The following FBN3 variants were observed in gnomAD, a reference collection of about 807,000 sequenced individuals.
FBN3 encodes fibrillin 3.
A neutral mutation model predicts 330.1 loss-of-function variants in FBN3; 234 were observed. The observed-to-expected ratio is 0.71, with a 90% CI of 0.64 to 0.79. FBN3 has a LOEUF of 0.79. Among genes scored for constraint, FBN3 ranks in the 30% least tolerant of loss-of-function variants. The probability of loss-of-function intolerance (pLI) is 0.00; values close to 1 mark genes in which losing one functional copy is unlikely to be tolerated. For missense variants in FBN3, 3,606 were observed against 3,886.9 expected (o/e 0.93, Z 1.92); for synonymous variants, 1,458 against 1,517.3 (o/e 0.96, Z 0.91).
intron 26 of FBN3, among the ~76,000 whole-genome samples, chr19:8,117,889 G>T (rs1166394707): frequency 6.6e-6 from 1 of 151,566 alleles, no homozygotes; most frequent in Non-Finnish European, 1.5e-5. Context: ...GGCACACTCA[G>T]ATACACACTC....
intron 56 of FBN3, among the ~76,000 whole-genome samples, chr19:8,084,787 C>T (rs949036063): frequency 6.6e-6 from 1 of 151,698 alleles, no homozygotes; most frequent in Non-Finnish European, 1.5e-5. Context: ...GAGGTTTCAC[C>T]ATGTTGACCA....
chr19:8,130,072 AT>A (rs907958887), intron 16 of FBN3, among the ~76,000 whole-genome samples: 3 of 151,716 alleles, frequency 2.0e-5, no homozygotes, highest in African/African-American at 7.3e-5. Flanking sequence ...TAATTTTTCT[AT>A]TTTTAGTAGA....
At position 8,081,440 on chromosome 19, in the gene FBN3, G is replaced by C; in HGVS notation, c.7254C>G (p.Phe2418Leu). Residue 2418 changes from phenylalanine (F) to leucine (L), a missense_variant, in exon 58 of 64, where the codon TTC (phenylalanine) becomes TTG (leucine). Physicochemically the swap from Phe to Leu is conservative, Grantham distance 22 (BLOSUM62 0). Coordinates refer to ENST00000600128, the MANE Select transcript of FBN3 (RefSeq NM_032447.5). ...ECSQVPKPCT[F>L]LCKNTKGSFL... is the part of the protein sequence containing the mutation. ...AACTGCCCTTCGTGTTTTTGCAGAGGAAGGTACATGGCTTGGGGACCTGGC... is the reference window on the plus strand; with the variant it reads ...AACTGCCCTTCGTGTTTTTGCAGAGCAAGGTACATGGCTTGGGGACCTGGC... 6.2e-7 allele frequency: 1 copy of C among 1,612,486 alleles called. No individual in the cohort carries two copies. Among genetic ancestry groups the C allele is most frequent in the Non-Finnish European group, 8.5e-7 (1 of 1,179,250 alleles).
At position 8,132,820 on chromosome 19, in the gene FBN3, C is replaced by T. The variant is rs369313604; in HGVS notation, c.1714+164G>A. On this transcript the variant is annotated intron_variant, in intron 14 of 63. Coordinates refer to ENST00000600128, the MANE Select transcript of FBN3 (RefSeq NM_032447.5). The stretch of plus-strand genomic sequence containing the variant: ...CTTTTCTTCCTTTTCTTCTTCTTCG[C>T]TTCTCCCCTTTTCCCTCCTCCTCCT... Among the ~76,000 whole-genome samples the T allele has an allele frequency of 1.1e-4, 16 of 152,184 alleles. No individual in the cohort carries two copies. The East Asian group carries it at 1.2e-3, about 11-fold the overall frequency.
Position 8,114,157 on chromosome 19 carries a change from C to G in FBN3, c.3838+1358G>C, listed in dbSNP as rs181697882. Among the ~76,000 whole-genome samples the G allele has an allele frequency of 2.6e-4, 40 of 152,182 alleles. No individual in the cohort carries two copies. In the East Asian group the frequency reaches 7.3e-3, roughly 28 times the overall value. On this transcript the variant is annotated intron_variant, in intron 30 of 63. Coordinates refer to ENST00000600128, the MANE Select transcript of FBN3 (RefSeq NM_032447.5). ...GGAACACTTTCTGCCTCTGAGCCCC[C>G]AAGAAGGTACTAACCCTGTAGACAC... is the stretch of plus-strand genomic sequence containing the variant.
chr19:8,079,735 C>T (rs10416205), intron 59 of FBN3, among the ~76,000 whole-genome samples: 93,997 of 151,822 alleles, frequency 0.62, 30,584 homozygotes, highest in African/African-American at 0.82. Flanking sequence ...GGATTACAGG[C>T]GCCACCACCA....
chr19:8,068,708 A>C (rs1393291621), intron 63 of FBN3, among the ~76,000 whole-genome samples: 2 of 118,086 alleles, frequency 1.7e-5, no homozygotes, highest in African/African-American at 3.2e-5. Flanking sequence ...TCTCAAATAA[A>C]TAAATAAATA....
chr19:8,148,142 C>A (rs993543653), intron 1 of FBN3, among the ~76,000 whole-genome samples: 3 of 152,076 alleles, frequency 2.0e-5, no homozygotes, highest in African/African-American at 7.2e-5. Context: ...GACACAGATA[C>A]CCCCACTCCT....
chr19:8,101,098 C>G, intron 40 of FBN3, 126 bp from the exon 41 acceptor site: 1 of 615,204 alleles, frequency 1.6e-6, no homozygotes, highest in South Asian at 2.1e-5. Flanking sequence ...TTTTTTTGCT[C>G]TCCCCACCCT....
intron 29 of FBN3, 22 bp downstream of exon 29, chr19:8,116,652 C>T: frequency 6.3e-7 from 1 of 1,599,736 alleles, no homozygotes. Context: ...ACCCGCCCCG[C>T]CCCACCGTCC....
chr19:8,066,823 G>A (rs763180830), intron 63 of FBN3, among the ~76,000 whole-genome samples: 57 of 152,094 alleles, frequency 3.7e-4, no homozygotes, highest in Non-Finnish European at 6.5e-4. Flanking sequence ...AGGTTGCAGT[G>A]AGCTGAGATC....
Position 8,144,929 on chromosome 19 carries a change from C to A in FBN3, c.489G>T (p.Gly163=), listed in dbSNP as rs145523545. ...RGCHNGGRCI[G]PNRCACVYGF... Reference sequence around the variant, plus strand: ...CATACACACAGGCGCAGCGGTTGGGCCCAATGCAGCGACCCCCATTGTGGC... The same window carrying A: ...CATACACACAGGCGCAGCGGTTGGGACCAATGCAGCGACCCCCATTGTGGC... The change falls in exon 6 of 64, where the codon GGG becomes GGT. Residue 163 remains glycine (G), a synonymous_variant. Transcript: ENST00000600128. 1.2e-6 allele frequency: 2 copies of A among 1,612,336 alleles called. No individual in the cohort carries two copies. The highest frequency in any genetic ancestry group is 2.7e-5 in the African/African-American group (2 of 74,894).
At chr19:8,103,139 C>T (rs1055777628) in intron 39 of FBN3, among the ~76,000 whole-genome samples, 8 of 151,748 alleles carry the variant, frequency 5.3e-5, no homozygotes, top group South Asian at 2.1e-4. Flanking sequence ...TGGTGGCACA[C>T]GCCTGTAATC....
At chr19:8,117,824 C>G (rs535969401) in intron 26 of FBN3, among the ~76,000 whole-genome samples, 1 of 152,066 alleles carries the variant, frequency 6.6e-6, no homozygotes, top group Non-Finnish European at 1.5e-5. Flanking sequence ...GACTCACAAA[C>G]ACACCCTGGC....
At chr19:8,141,305 G>A (rs542319869) in intron 8 of FBN3, among the ~76,000 whole-genome samples, 3 of 149,954 alleles carry the variant, frequency 2.0e-5, no homozygotes, top group East Asian at 3.9e-4. Flanking sequence ...GGCAGAGGTT[G>A]CAGTGAGCTG....
chr19:8,090,278 G>T, intron 48 of FBN3, 27 bp from the exon 49 acceptor site: 1 of 1,612,304 alleles, frequency 6.2e-7, no homozygotes, highest in Non-Finnish European at 8.5e-7. Context: ...CCATTACCCT[G>T]ATTGAAAGCC....
At chr19:8,143,248 GC>G (rs1215353454) in intron 6 of FBN3, among the ~76,000 whole-genome samples, 2 of 152,204 alleles carry the variant, frequency 1.3e-5, no homozygotes, top group South Asian at 2.1e-4. Context: ...GGATGGGGCA[GC>G]CCACGCCGCC....
At chr19:8,137,336 A>AACCTGGGGCCTTAGATCCCTCCT (rs2083312149) in intron 10 of FBN3, among the ~76,000 whole-genome samples, 1 of 128,780 alleles carries the variant, frequency 7.8e-6, no homozygotes, top group African/African-American at 3.0e-5. Flanking sequence ...AGATCCCTCC[A>AACCTGGGGCCTTAGATCCCTCCT]ACCTGGGGCC....
At chr19:8,134,303 G>A (rs919568516) in intron 13 of FBN3, among the ~76,000 whole-genome samples, 1 of 152,018 alleles carries the variant, frequency 6.6e-6, no homozygotes, top group African/African-American at 2.4e-5. Flanking sequence ...ATATGCACAT[G>A]AGCATTCACA....
Sources: allele counts gnomAD v4.1 joint callset (sites outside exome capture counted in the v4.1 genomes callset), GRCh38; gene constraint gnomAD v4.1.1; transcripts MANE v1.5; gene names NCBI Gene and HGNC (gene_info 2026-07-23, HGNC 2026-07-21).